DNAJB12: variants seen among roughly 807,000 people sequenced by gnomAD.
The protein encoded by DNAJB12 is DnaJ heat shock protein family (Hsp40) member B12, also known as dnaJ homolog subfamily B member 12.
DNAJB12 carries 14 observed loss-of-function variants against 40.6 expected under a neutral mutation model. The observed-to-expected ratio is 0.34, with a 90% CI of 0.23 to 0.54. The LOEUF is 0.54. DNAJB12 is among the 20% of genes least tolerant of loss of function. DNAJB12 has a pLI of 0.92. For missense variants in DNAJB12, 444 were observed against 501.7 expected (o/e 0.89, Z 1.10); for synonymous variants, 181 against 199.5 (o/e 0.91, Z 0.78).
rs770569178 is a variant in DNAJB12 at position 72,334,626 on chromosome 10, G to T, written c.*31-9C>A. 10 of 1,530,216 alleles carry T rather than the reference G, an allele frequency of 6.5e-6. No individual in the cohort carries two copies. The highest frequency in any genetic ancestry group is 1.4e-5 in the African/African-American group (1 of 72,338). The allele number at this position is 1,530,216 out of a possible 1,614,324, so 94.8% of individuals were successfully genotyped here. On this transcript the variant is annotated splice_polypyrimidine_tract_variant and intron_variant, in intron 8 of 8. Transcript: ENST00000444643. Reference sequence around the variant, plus strand: ...TCCAGGGATTTCATAGTCTGGGGAGGAGAGTGGCAACAGTTAGCTCGGCAT... The same window carrying T: ...TCCAGGGATTTCATAGTCTGGGGAGTAGAGTGGCAACAGTTAGCTCGGCAT...
chr10:72,345,323 C>T (rs1173882437), intron 1 of DNAJB12, among the ~76,000 whole-genome samples, 196 bp from the exon 2 acceptor site: 4 of 152,240 alleles, frequency 2.6e-5, no homozygotes, highest in Non-Finnish European at 5.9e-5. Context: ...CAGGACAGGC[C>T]GGACGTGGTG....
At chr10:72,343,538 G>C (rs944875366) in intron 2 of DNAJB12, 27 bp from the exon 3 acceptor site, 1 of 1,613,518 alleles carries the variant, frequency 6.2e-7, no homozygotes, top group Non-Finnish European at 8.5e-7. Context: ...CCATGGTACG[G>C]GGTGCTCTAC....
intron 3 of DNAJB12, among the ~76,000 whole-genome samples, chr10:72,341,917 T>C (rs1861649757): frequency 6.6e-6 from 1 of 152,190 alleles, no homozygotes; most frequent in Admixed American, 6.5e-5. Context: ...TGCTTCAAGT[T>C]CTCTCTCCGA....
At chr10:72,341,230 T>C (rs1861631568) in intron 3 of DNAJB12, 60 bp from the exon 4 acceptor site, 4 of 1,517,592 alleles carry the variant, frequency 2.6e-6, no homozygotes, top group Non-Finnish European at 3.6e-6. Context: ...GAGGCTCCCA[T>C]GGCAGCCGAG....
chr10:72,354,447 AGTTCG>A, intron 1 of DNAJB12: 4 of 325,802 alleles, frequency 1.2e-5, no homozygotes, highest in South Asian at 1.0e-4. Flanking sequence ...TGGGAAAAGT[AGTTCG>A]AGTTCACTTC....
In DNAJB12 at chr10:72,344,988, G is replaced by T. The variant is rs767706224; in HGVS notation, c.273C>A (p.Thr91=). 1.5e-5 allele frequency: 24 copies of T among 1,614,182 alleles called. No individual in the cohort carries two copies. In the Middle Eastern group the frequency reaches 8.2e-4, roughly 55 times the overall value. ...CAACCTGTTCTGCAGTGTAGCCTTTGGTGCTCTCTCCTCCAGCTTCACCGT... is the reference window on the plus strand; with the variant it reads ...CAACCTGTTCTGCAGTGTAGCCTTTTGTGCTCTCTCCTCCAGCTTCACCGT... ...SANGEAGGES[T]KGYTAEQVAA... is the part of the protein sequence containing the mutation. The change falls in exon 2 of 9, where the codon ACC becomes ACA. Residue 91 remains threonine, a synonymous_variant. Coordinates refer to ENST00000444643, the MANE Select transcript of DNAJB12 (RefSeq NM_017626.7).
intron 6 of DNAJB12, among the ~76,000 whole-genome samples, chr10:72,337,613 G>T (rs769609717): frequency 1.2e-4 from 19 of 152,208 alleles, no homozygotes; most frequent in Non-Finnish European, 1.8e-4. Context: ...ACAGCAGGTG[G>T]ATGTTATAAT....
intron 1 of DNAJB12, among the ~76,000 whole-genome samples, chr10:72,349,905 C>T (rs1710304096): frequency 6.6e-6 from 1 of 152,122 alleles, no homozygotes; most frequent in Admixed American, 6.6e-5. Context: ...GATGTGACAG[C>T]TTCATGCTTA....
At chr10:72,351,681 C>A (rs1296120690) in intron 1 of DNAJB12, among the ~76,000 whole-genome samples, 4 of 152,240 alleles carry the variant, frequency 2.6e-5, no homozygotes, top group African/African-American at 7.2e-5. Context: ...GGGCTCAGGG[C>A]AGGTGTTGCC....
intron 1 of DNAJB12, among the ~76,000 whole-genome samples, chr10:72,345,675 C>A (rs1447489984): frequency 6.6e-6 from 1 of 151,320 alleles, no homozygotes; most frequent in Non-Finnish European, 1.5e-5. Context: ...GAGTTTGTGA[C>A]CAGCCCGGCC....
Position 72,338,178 on chromosome 10 carries a change from G to A in DNAJB12, c.833+24C>T, listed in dbSNP as rs570403402. On this transcript the variant is annotated intron_variant, in intron 6 of 8. Transcript: ENST00000444643. ...ATTTAAAGCCCCTTGTCTGCCCATG[G>A]CCCGGCCTCACCCATGTACTCACGG... 4 of 1,601,408 alleles carry A rather than the reference G, an allele frequency of 2.5e-6. No homozygotes were observed. The South Asian group carries it at 3.3e-5, about 13-fold the overall frequency.
At chr10:72,353,916 G>C (rs1861996121) in intron 1 of DNAJB12, 1 of 152,224 alleles carries the variant, frequency 6.6e-6, no homozygotes, top group Non-Finnish European at 1.5e-5. Flanking sequence ...CTCTAGCGTG[G>C]ATTAAGAAAA....
chr10:72,344,567 T>C (rs930455260), intron 2 of DNAJB12, among the ~76,000 whole-genome samples: 1 of 152,204 alleles, frequency 6.6e-6, no homozygotes, highest in Admixed American at 6.5e-5. Flanking sequence ...AAAGGGTCTT[T>C]GTTGGGTGCT....
In DNAJB12 at chr10:72,335,890, C is replaced by G. The variant is rs749365299; in HGVS notation, c.1048G>C (p.Asp350His). Reference protein sequence around the residue: ...LYRARYFGDTDMYHRAQKMGT... With the variant: ...LYRARYFGDTHMYHRAQKMGT... ...ATCTTCTGTGCTCTGTGGTACATATCTGTGTCGCCAAAGTAGCGTGCCCGG... is the reference window on the plus strand; with the variant it reads ...ATCTTCTGTGCTCTGTGGTACATATGTGTGTCGCCAAAGTAGCGTGCCCGG... Residue 350 changes from aspartate (D) to histidine (H), a missense_variant, in exon 8 of 9, where the codon GAT becomes CAT. By Grantham distance (81) the Asp-to-His change is moderately conservative. Transcript: ENST00000444643. The surrounding 1 kb of genome is among the most constrained non-coding windows in gnomAD (Gnocchi z 4.4). 1.9e-6 allele frequency: 3 copies of G among 1,614,186 alleles called. No homozygotes were observed. The South Asian group carries it at 3.3e-5, about 18-fold the overall frequency.
In DNAJB12 at chr10:72,333,834, C is replaced by G. The variant is rs1247004686; in HGVS notation, c.*814G>C. The stretch of plus-strand genomic sequence containing the variant: ...GGCCTCTACTGTGACTCAATACTGA[C>G]CTGGCACCTGCCTCCATGGCCTGCT... On this transcript the variant is annotated 3_prime_UTR_variant, in exon 9 of 9. Coordinates refer to ENST00000444643, the MANE Select transcript of DNAJB12 (RefSeq NM_017626.7). 4 of 153,018 alleles carry G rather than the reference C, an allele frequency of 2.6e-5. No individual in the cohort carries two copies. Among genetic ancestry groups the G allele is most frequent in the African/African-American group, 4.8e-5 (2 of 41,446 alleles). 9.5% of individuals were successfully genotyped at this position (153,018 alleles called of 1,614,324 possible).
intron 8 of DNAJB12, 80 bp from the exon 9 acceptor site, chr10:72,334,697 C>T (rs1032214900): frequency 6.8e-7 from 1 of 1,480,066 alleles, no homozygotes. Flanking sequence ...AAGTAGCCCC[C>T]CTTGCCACTG....
chr10:72,344,810 C>T (rs1217733718), intron 2 of DNAJB12, 140 bp downstream of exon 2: 5 of 976,396 alleles, frequency 5.1e-6, no homozygotes, highest in Non-Finnish European at 7.9e-6. Context: ...TGAGCCTGGA[C>T]CCTTGGACCT....
chr10:72,347,382 G>A (rs1589131698), intron 1 of DNAJB12, among the ~76,000 whole-genome samples: 1 of 152,226 alleles, frequency 6.6e-6, no homozygotes, highest in Admixed American at 6.5e-5. Context: ...TGTTTCAGGT[G>A]GGATCAGTCA....
Position 72,336,713 on chromosome 10 carries a change from G to A in DNAJB12, c.834-17C>T, listed in dbSNP as rs1861488534. ...CCCACGGACCTGGCCAGAAATACCA[G>A]GTTCAAAGTGGGTGCGGGTCCCCAT... is the stretch of plus-strand genomic sequence containing the variant. On this transcript the variant is annotated splice_polypyrimidine_tract_variant and intron_variant, in intron 6 of 8. Transcript: ENST00000444643. 6.2e-7 allele frequency: 1 copy of A among 1,611,578 alleles called. No homozygotes were observed. The highest frequency in any genetic ancestry group is 8.5e-7 in the Non-Finnish European group (1 of 1,178,260).
Sources: allele counts gnomAD v4.1 joint callset (sites outside exome capture counted in the v4.1 genomes callset), GRCh38; gene constraint gnomAD v4.1.1; non-coding constraint Gnocchi (gnomAD v3.1); transcripts MANE v1.5; gene names NCBI Gene and HGNC (gene_info 2026-07-23, HGNC 2026-07-21).